The following CFAP74 variants were observed in gnomAD, a reference collection of about 807,000 sequenced individuals.
CFAP74 encodes cilia- and flagella-associated protein 74.
In CFAP74, 124 loss-of-function variants were observed where a neutral mutation model predicts 188.9. That is an observed-to-expected ratio of 0.66 (90% CI 0.57 to 0.76). CFAP74 has a LOEUF of 0.76. Ranked by LOEUF, CFAP74 falls within the 30% of genes least tolerant of loss-of-function variation. The probability of loss-of-function intolerance (pLI) is 0.00; values close to 1 mark genes in which losing one functional copy is unlikely to be tolerated. For missense variants in CFAP74, 2,198 were observed against 2,165.2 expected, an observed-to-expected ratio of 1.02 and a Z score of -0.30; for synonymous variants, 956 against 916.7, an observed-to-expected ratio of 1.04 and a Z score of -0.77.
At chr1:1,938,797 G>A (rs1653139268) in intron 25 of CFAP74, 58 bp downstream of exon 25, 2 of 1,513,900 alleles carry the variant, frequency 1.3e-6, no homozygotes, top group African/African-American at 2.8e-5. Flanking sequence ...TGGGAAGGGG[G>A]GCCCCTCCTG....
chr1:1,924,025 C>CTGGGTG, intron 34 of CFAP74, 96 bp from the exon 35 acceptor site: 1 of 1,294,956 alleles, frequency 7.7e-7, no homozygotes, highest in Admixed American at 2.4e-5. Flanking sequence ...CCTGCCCGCC[C>CTGGGTG]CCCTGCAGAG....
At chr1:1,928,995 C>T in intron 26 of CFAP74, 113 bp from the exon 27 acceptor site, 3 of 665,512 alleles carry the variant, frequency 4.5e-6, no homozygotes, top group Non-Finnish European at 7.6e-6. Flanking sequence ...GTCACCTCCC[C>T]CTTGAGATTT....
At chr1:1,943,192 G>A (rs1460328925) in intron 21 of CFAP74, among the ~76,000 whole-genome samples, 2 of 152,284 alleles carry the variant, frequency 1.3e-5, no homozygotes, top group East Asian at 3.9e-4. Flanking sequence ...CACAGAGCTG[G>A]GCCCCACTCA....
intron 18 of CFAP74, chr1:1,953,238 A>C (rs1313671297): frequency 1.3e-5 from 2 of 152,104 alleles, no homozygotes; most frequent in South Asian, 2.1e-4. Context: ...TGGATCAATT[A>C]ATCAGAAAAA....
At chr1:2,001,477 C>T (rs1658206378) in intron 1 of CFAP74, among the ~76,000 whole-genome samples, 1 of 151,960 alleles carries the variant, frequency 6.6e-6, no homozygotes, top group South Asian at 2.1e-4. Context: ...CTACAGGCAA[C>T]CGCCACCACA....
chr1:1,943,485 C>T (rs967379663), intron 21 of CFAP74, among the ~76,000 whole-genome samples: 9 of 152,268 alleles, frequency 5.9e-5, no homozygotes, highest in African/African-American at 2.2e-4. Context: ...TGTGTCCGCA[C>T]ACCCTGCTCC....
chr1:1,924,209 C>CAT, intron 34 of CFAP74, among the ~76,000 whole-genome samples, 182 bp downstream of exon 34: 1 of 95,920 alleles, frequency 1.0e-5, no homozygotes, highest in Non-Finnish European at 2.2e-5. Context: ...ACCGCCCGTG[C>CAT]CCGCCAGCTC....
At chr1:1,956,361 G>T (rs1295135960) in intron 17 of CFAP74, among the ~76,000 whole-genome samples, 1 of 152,168 alleles carries the variant, frequency 6.6e-6, no homozygotes, top group African/African-American at 2.4e-5. Context: ...GCCTGGAGCT[G>T]CTGGCCAGCA....
chr1:1,968,875 G>A lies in CFAP74; in HGVS notation c.1047-42C>T. On this transcript the variant is annotated intron_variant, in intron 10 of 38. Transcript: ENST00000682832. The surrounding 1 kb of genome is among the most constrained non-coding windows in gnomAD (Gnocchi z 4.3). ...CTCAGATGAGTGCAAGAGGTCCCCT[G>A]CCTCCACCTTGCCCCAGATGAGACA... 6.3e-7 allele frequency: 1 copy of A among 1,593,452 alleles called. No homozygotes were observed. The highest frequency in any genetic ancestry group is 8.6e-7 in the Non-Finnish European group (1 of 1,165,184).
At position 1,968,823 on chromosome 1, in the gene CFAP74, C is replaced by T. The variant is rs778060465; in HGVS notation, c.1057G>A (p.Glu353Lys). 2.5e-6 allele frequency: 4 copies of T among 1,613,912 alleles called. No homozygotes were observed. The highest frequency in any genetic ancestry group is 1.7e-5 in the Admixed American group (1 of 59,996). The change falls in exon 11 of 39, where the codon GAG (glutamate) becomes AAG (lysine). Residue 353 changes from glutamate (E) to lysine (K), a missense_variant. Glu to Lys is a moderately conservative substitution (Grantham distance 56). Coordinates refer to ENST00000682832, the MANE Select transcript of CFAP74 (RefSeq NM_001304360.2). This position sits in a 1 kb window ranked among gnomAD's most constrained non-coding sequence, Gnocchi z 4.3. ...ELEAQKRAFE[E>K]EQKLRKQEII... ...TCCTGCTTTCTGAGCTTCTGCTCCTCCTCAAAGGCCCTGCGTGGAGTCGCT... is the reference window on the plus strand; with the variant it reads ...TCCTGCTTTCTGAGCTTCTGCTCCTTCTCAAAGGCCCTGCGTGGAGTCGCT...
At chr1:1,922,461 T>G in intron 38 of CFAP74, 73 bp from the exon 39 acceptor site, 1 of 1,542,502 alleles carries the variant, frequency 6.5e-7, no homozygotes, top group South Asian at 1.2e-5. Context: ...GTCTTCCCAC[T>G]GCCCTGCCCA....
At chr1:1,960,775 CA>C (rs1346117814) in intron 14 of CFAP74, among the ~76,000 whole-genome samples, 8 of 152,216 alleles carry the variant, frequency 5.3e-5, no homozygotes, top group Non-Finnish European at 8.8e-5. Context: ...GCCGACTGCA[CA>C]GAGCCCGGGA....
chr1:1,972,210 C>A, intron 8 of CFAP74, 128 bp from the exon 9 acceptor site: 2 of 715,076 alleles, frequency 2.8e-6, no homozygotes, highest in Non-Finnish European at 4.9e-6. Flanking sequence ...CCTCCCAAAG[C>A]GCTGGGATCA....
intron 2 of CFAP74, among the ~76,000 whole-genome samples, 199 bp downstream of exon 2, chr1:1,990,691 T>G (rs916272816): frequency 6.6e-6 from 1 of 152,222 alleles, no homozygotes; most frequent in African/African-American, 2.4e-5. Flanking sequence ...AACTATGGTC[T>G]GCCGCCTTCA....
rs1479448803 is a variant in CFAP74 at position 1,940,319 on chromosome 1, G to T, written c.2700C>A (p.Asp900Glu). 1.3e-6 allele frequency: 2 copies of T among 1,535,610 alleles called. No homozygotes were observed. Among genetic ancestry groups the T allele is most frequent in the Admixed American group, 3.9e-5 (2 of 50,998 alleles). ...TGGGAAGTGCCCCAACACAGACCTGGTCGGCAACCCATATGGTCATCGGGG... is the reference window on the plus strand; with the variant it reads ...TGGGAAGTGCCCCAACACAGACCTGTTCGGCAACCCATATGGTCATCGGGG... ...LEAPMTIWVADQNKPVGFTVH... is the reference protein window; with the variant it reads ...LEAPMTIWVAEQNKPVGFTVH... Residue 900 changes from aspartate to glutamate, a missense_variant, in exon 23 of 39, where the codon GAC becomes GAA. By Grantham distance (45) the Asp-to-Glu change is conservative. Transcript: ENST00000682832.
chr1:1,994,264 G>C (rs1355014083), intron 1 of CFAP74, among the ~76,000 whole-genome samples: 1 of 149,834 alleles, frequency 6.7e-6, no homozygotes, highest in Admixed American at 6.6e-5. Flanking sequence ...ATTTTGCATT[G>C]AAATAATGAG....
intron 18 of CFAP74, among the ~76,000 whole-genome samples, chr1:1,951,166 C>T (rs547008491): frequency 6.6e-6 from 1 of 152,138 alleles, no homozygotes; most frequent in African/African-American, 2.4e-5. Flanking sequence ...GGGAAGCAGG[C>T]ACGTCTCACA....
At chr1:1,971,165 A>C (rs368431046) in intron 9 of CFAP74, among the ~76,000 whole-genome samples, 7 of 151,046 alleles carry the variant, frequency 4.6e-5, no homozygotes, top group Admixed American at 6.6e-5. Context: ...CTGGACACAC[A>C]TGCACACCTG....
intron 25 of CFAP74, among the ~76,000 whole-genome samples, chr1:1,933,528 G>A (rs1265128227): frequency 2.6e-5 from 4 of 152,132 alleles, no homozygotes; most frequent in Non-Finnish European, 5.9e-5. Flanking sequence ...TGTGTATTTT[G>A]AGGAATTTGT....
Sources: gnomAD v4.1 joint callset for allele counts (sites outside exome capture counted in the v4.1 genomes callset) on GRCh38, gnomAD v4.1.1 for gene constraint, Gnocchi (gnomAD v3.1) non-coding constraint, MANE v1.5 for transcripts, NCBI Gene and HGNC (gene_info 2026-07-23, HGNC 2026-07-21) for gene names.